ADAP1: variants seen among roughly 807,000 people sequenced by gnomAD.
ADAP1 encodes the protein arf-GAP with dual PH domain-containing protein 1.
ADAP1 carries 31 observed loss-of-function variants against 54.9 expected under a neutral mutation model. The observed-to-expected ratio is 0.56, with a 90% confidence interval of 0.42 to 0.76. The LOEUF (loss-of-function observed/expected upper bound fraction) is 0.76. ADAP1 is among the 30% of genes least tolerant of loss of function. The pLI is 0.00. For synonymous variants in ADAP1, 313 were observed against 202.6 expected (o/e 1.55, Z -4.63); for missense variants, 535 against 512.4 (o/e 1.04, Z -0.42).
chr7:916,141 T>C (rs550573541), intron 4 of ADAP1, among the ~76,000 whole-genome samples: 6 of 152,292 alleles, frequency 3.9e-5, no homozygotes, highest in African/African-American at 1.4e-4. Context: ...ACAGGGACTT[T>C]TTCCAGCACT....
Position 905,124 on chromosome 7 carries a change from A to T in ADAP1, c.437T>A (p.Phe146Tyr). The change falls in exon 5 of 11, where the codon TTT becomes TAT. Residue 146 changes from phenylalanine (F) to tyrosine (Y), a missense_variant. Physicochemically the swap from Phe to Tyr is conservative, Grantham distance 22 (BLOSUM62 3). Transcript: ENST00000265846. ...TGTCAGCACAAACTTCCGGCTCAAAAACTGCCCGTTGTCCCGGCCACGCTT... is the reference window on the plus strand; with the variant it reads ...TGTCAGCACAAACTTCCGGCTCAAATACTGCCCGTTGTCCCGGCCACGCTT... Reference protein sequence around the residue: ...LWKRGRDNGQFLSRKFVLTER... With the variant: ...LWKRGRDNGQYLSRKFVLTER... 1 of 1,612,422 alleles carries T rather than the reference A, an allele frequency of 6.2e-7. No homozygotes were observed.
intron 6 of ADAP1, among the ~76,000 whole-genome samples, chr7:902,862 G>A (rs1583119431): frequency 6.6e-6 from 1 of 152,196 alleles, no homozygotes; most frequent in East Asian, 1.9e-4. Flanking sequence ...GTGGTGCAAA[G>A]CCTTCAGAAT....
chr7:954,760 G>A (rs1583195430), upstream of ADAP1: 5 of 961,348 alleles, frequency 5.2e-6, no homozygotes, highest in Non-Finnish European at 6.2e-6. Context: ...AGGCGAGCGT[G>A]TGGCCTCCTC....
chr7:939,060 G>A (rs1846863194), intron 1 of ADAP1, among the ~76,000 whole-genome samples: 1 of 152,230 alleles, frequency 6.6e-6, no homozygotes, highest in Admixed American at 6.5e-5. Context: ...GGAACCCGTA[G>A]CAGGAGCTGG....
chr7:953,324 C>A (rs1344721353), intron 1 of ADAP1, among the ~76,000 whole-genome samples: 1 of 152,234 alleles, frequency 6.6e-6, no homozygotes, highest in Non-Finnish European at 1.5e-5. Flanking sequence ...CCTGATGTGG[C>A]CTTTCCAGCC....
chr7:946,924 G>C lies in ADAP1; in HGVS notation c.82+7472C>G, dbSNP rs118071601. Among the ~76,000 whole-genome samples the C allele has an allele frequency of 6.6e-6, 1 of 152,224 alleles. No individual in the cohort carries two copies. The highest frequency in any genetic ancestry group is 1.5e-5 in the Non-Finnish European group (1 of 68,038). ...GCCAAGGTGAACGGGTGGAGCCCAGGAGTTCGAGACCAGCCTGGGCAACAT... is the reference window on the plus strand; with the variant it reads ...GCCAAGGTGAACGGGTGGAGCCCAGCAGTTCGAGACCAGCCTGGGCAACAT... On this transcript the variant is annotated intron_variant, in intron 1 of 10. Transcript: ENST00000265846. This position sits in a 1 kb window ranked among gnomAD's most constrained non-coding sequence, Gnocchi z 4.3.
At chr7:935,097 G>C in intron 2 of ADAP1, 1 of 578,126 alleles carries the variant, frequency 1.7e-6, no homozygotes, top group Non-Finnish European at 3.3e-6. Flanking sequence ...GGAGCTCCCA[G>C]GGCACGGGAA....
intron 3 of ADAP1, chr7:922,976 C>T (rs1172303300): frequency 7.3e-6 from 1 of 137,810 alleles, no homozygotes; most frequent in Non-Finnish European, 1.6e-5. Flanking sequence ...TTTGGAAATA[C>T]CGTGGTTGCA....
intron 4 of ADAP1, among the ~76,000 whole-genome samples, chr7:918,862 G>C (rs895372168): frequency 6.6e-6 from 1 of 152,210 alleles, no homozygotes; most frequent in East Asian, 1.9e-4. Flanking sequence ...CACCCGGCTG[G>C]GGGCTCCAAC....
rs192697852 is a variant in ADAP1 at position 940,445 on chromosome 7, G to A, written c.83-4940C>T. 4.7e-4 allele frequency among the ~76,000 whole-genome samples: 72 copies of A among 152,128 alleles called. 2 individuals are homozygous for A. The highest frequency in any genetic ancestry group is 1.6e-3 in the African/African-American group (68 of 41,486). ...AGTTAAATCAAGTGTGTTGGAGACA[G>A]GAGCAACACAAGGTTGTCACTGGTA... On this transcript the variant is annotated intron_variant, in intron 1 of 10. Coordinates refer to ENST00000265846, the MANE Select transcript of ADAP1 (RefSeq NM_006869.4).
rs1221197071 is a variant in ADAP1, at chr7:914,625, G to C, written c.388+5343C>G. 2.0e-5 allele frequency among the ~76,000 whole-genome samples: 3 copies of C among 152,154 alleles called. No homozygotes were observed. The East Asian group carries it at 5.8e-4, about 29-fold the overall frequency. On this transcript the variant is annotated intron_variant, in intron 4 of 10. Coordinates refer to ENST00000265846, the MANE Select transcript of ADAP1 (RefSeq NM_006869.4). ...AACCCTGAGCACCAGATGGACACCT[G>C]CTCCCTCATCCATCCAGCAAAGGGC...
intron 4 of ADAP1, among the ~76,000 whole-genome samples, chr7:915,441 G>A (rs1446128532): frequency 2.0e-5 from 3 of 152,234 alleles, no homozygotes; most frequent in Admixed American, 2.0e-4. Flanking sequence ...GCCGGGCCTG[G>A]TATGAGAAGC....
intron 4 of ADAP1, 23 bp from the exon 5 acceptor site, chr7:905,195 G>C (rs751671252): frequency 6.3e-7 from 1 of 1,588,610 alleles, no homozygotes; most frequent in East Asian, 2.2e-5. Flanking sequence ...GGGGACACGA[G>C]TCGGTGACAG....
intron 4 of ADAP1, among the ~76,000 whole-genome samples, chr7:909,032 C>T (rs929674845): frequency 1.3e-5 from 2 of 152,186 alleles, no homozygotes; most frequent in African/African-American, 4.8e-5. Context: ...TCCGGAAGCG[C>T]GCAGGCCGCG....
At chr7:902,143 G>A (rs1344727606) in intron 6 of ADAP1, among the ~76,000 whole-genome samples, 1 of 151,262 alleles carries the variant, frequency 6.6e-6, no homozygotes, top group African/African-American at 2.5e-5. Context: ...CCAACATGGT[G>A]AAACCCGGTC....
chr7:904,344 C>T (rs1464190419), intron 5 of ADAP1, 72 bp from the exon 6 acceptor site: 34 of 1,507,058 alleles, frequency 2.3e-5, no homozygotes, highest in Non-Finnish European at 2.9e-5. Context: ...AAGGGCAGAC[C>T]CTGTGGGTGC....
At chr7:930,949 C>T (rs1239106622) in intron 2 of ADAP1, among the ~76,000 whole-genome samples, 2 of 143,662 alleles carry the variant, frequency 1.4e-5, no homozygotes, top group Non-Finnish European at 3.0e-5. Flanking sequence ...CACTGCATTC[C>T]AGCCTGGGCG....
intron 4 of ADAP1, among the ~76,000 whole-genome samples, chr7:911,331 T>TCC (rs1466704591): frequency 6.6e-6 from 1 of 152,114 alleles, no homozygotes; most frequent in Non-Finnish European, 1.5e-5. Context: ...GTTCACAGTT[T>TCC]CCACAGCGCC....
At chr7:900,495 CT>C in intron 7 of ADAP1, 37 bp downstream of exon 7, 1 of 1,480,850 alleles carries the variant, frequency 6.8e-7, no homozygotes, top group Non-Finnish European at 9.3e-7. Context: ...CCCACCACCC[CT>C]GTCTGCCCTG....
Sources: gnomAD v4.1 joint callset for allele counts (sites outside exome capture counted in the v4.1 genomes callset) on GRCh38, gnomAD v4.1.1 for gene constraint, Gnocchi (gnomAD v3.1) non-coding constraint, MANE v1.5 for transcripts, NCBI Gene and HGNC (gene_info 2026-07-23, HGNC 2026-07-21) for gene names.